Variants in PDE4D observed in about 807,000 individuals in gnomAD.
The protein encoded by PDE4D is phosphodiesterase 4D.
In PDE4D, 24 loss-of-function variants were observed where a neutral mutation model predicts 87.4. That is an observed-to-expected ratio of 0.27 (90% CI 0.20 to 0.39). PDE4D has a LOEUF of 0.39. Among genes scored for constraint, PDE4D ranks in the 10% least tolerant of loss-of-function variants. The pLI is 1.00. For missense variants in PDE4D, 714 were observed against 1,041.0 expected, an observed-to-expected ratio of 0.69 and a Z score of 4.32; for synonymous variants, 384 against 383.2, an observed-to-expected ratio of 1.00 and a Z score of -0.02.
chr5:60,236,493 G>A (rs1400269158), intron 1 of PDE4D, among the ~76,000 whole-genome samples: 2 of 151,862 alleles, frequency 1.3e-5, no homozygotes, highest in Non-Finnish European at 1.5e-5. Flanking sequence ...ATGAAAAGAT[G>A]TTCAACATAT....
intron 2 of PDE4D, among the ~76,000 whole-genome samples, chr5:60,131,465 G>A (rs923645682): frequency 1.3e-5 from 2 of 152,198 alleles, no homozygotes; most frequent in Non-Finnish European, 2.9e-5. Flanking sequence ...GTCAAGCAAT[G>A]CAAGAATGAA....
In PDE4D at chr5:59,854,640, T is replaced by C. The variant is rs563015217; in HGVS notation, c.455+38528A>G. ...AGGTGGTTCTTTAAAACTCTGTATC[T>C]GAACCTTATCTTGAAATAATATGTG... On this transcript the variant is annotated intron_variant, in intron 1 of 14. Transcript: ENST00000340635. Among the ~76,000 whole-genome samples, 279 of 152,220 alleles carry C rather than the reference T, an allele frequency of 1.8e-3. 1 individual carries two copies. Among genetic ancestry groups the C allele is most frequent in the Non-Finnish European group, 3.3e-3 (225 of 67,988 alleles).
intron 2 of PDE4D, among the ~76,000 whole-genome samples, chr5:60,088,001 A>G (rs1441474609): frequency 6.6e-6 from 1 of 152,120 alleles, no homozygotes. Flanking sequence ...TTTAAGCAGC[A>G]AGAGAAAAGA....
chr5:60,338,349 G>A (rs6862735), intron 1 of PDE4D, among the ~76,000 whole-genome samples: 33,302 of 152,130 alleles, frequency 0.22, 3,953 homozygotes, highest in South Asian at 0.4. Context: ...CAAGAATCAC[G>A]ACCACTATCC....
chr5:59,626,469 G>A (rs1361630862), intron 1 of PDE4D, among the ~76,000 whole-genome samples: 1 of 152,160 alleles, frequency 6.6e-6, no homozygotes, highest in Non-Finnish European at 1.5e-5. Flanking sequence ...CTGCTTTACA[G>A]AACAAATGAG....
intron 1 of PDE4D, among the ~76,000 whole-genome samples, chr5:59,243,028 T>C (rs1211623889): frequency 6.6e-6 from 1 of 152,200 alleles, no homozygotes; most frequent in Non-Finnish European, 1.5e-5. Flanking sequence ...ACAGTATTTC[T>C]TACGTACATC....
At chr5:59,406,834 G>A (rs568824948) in intron 1 of PDE4D, among the ~76,000 whole-genome samples, 15 of 152,194 alleles carry the variant, frequency 9.9e-5, no homozygotes, top group Admixed American at 5.2e-4. Context: ...CTAGGGCTAC[G>A]AAGTTTATTT....
At chr5:60,011,314 A>G (rs967908643) in intron 2 of PDE4D, among the ~76,000 whole-genome samples, 1 of 152,100 alleles carries the variant, frequency 6.6e-6, no homozygotes, top group Non-Finnish European at 1.5e-5. Context: ...TCATTTGAAT[A>G]TCTATGTGGC....
chr5:59,668,451 T>C (rs1746434447), intron 1 of PDE4D, among the ~76,000 whole-genome samples: 1 of 152,164 alleles, frequency 6.6e-6, no homozygotes, highest in African/African-American at 2.4e-5. Flanking sequence ...GGCTCATGCC[T>C]GTAACTCCAG....
chr5:59,767,014 G>A (rs1762878710), intron 1 of PDE4D, among the ~76,000 whole-genome samples: 1 of 152,154 alleles, frequency 6.6e-6, no homozygotes, highest in Non-Finnish European at 1.5e-5. Flanking sequence ...GTCTTTGGGT[G>A]TGACATGGCT....
chr5:58,986,061 A>C (rs911623558), intron 11 of PDE4D, among the ~76,000 whole-genome samples: 1 of 152,220 alleles, frequency 6.6e-6, no homozygotes, highest in Non-Finnish European at 1.5e-5. Flanking sequence ...AACTTTAGCA[A>C]TCCAAAGCTA....
chr5:59,784,704 T>A (rs1480050215), intron 1 of PDE4D, among the ~76,000 whole-genome samples: 2 of 152,094 alleles, frequency 1.3e-5, no homozygotes, highest in East Asian at 3.8e-4. Context: ...ATCAAGCCTG[T>A]TTTAAAATGG....
intron 1 of PDE4D, among the ~76,000 whole-genome samples, chr5:59,372,018 C>G (rs1479181584): frequency 5.3e-5 from 8 of 152,200 alleles, no homozygotes; most frequent in Admixed American, 5.2e-4. Context: ...CATCAAACCT[C>G]TTAGAAGACA....
chr5:59,505,674 G>T, intron 1 of PDE4D, among the ~76,000 whole-genome samples: 1 of 152,170 alleles, frequency 6.6e-6, no homozygotes, highest in East Asian at 1.9e-4. Flanking sequence ...TCCAGCAGTT[G>T]TCAGAGATAG....
intron 3 of PDE4D, among the ~76,000 whole-genome samples, chr5:59,946,204 CCACCCAAGTGCT>C (rs1330298667): frequency 1.3e-5 from 2 of 152,194 alleles, no homozygotes; most frequent in African/African-American, 4.8e-5. Flanking sequence ...GTCACATCTG[CCACCCAAGTGCT>C]GAGACTCAGA....
chr5:60,343,450 AATG>A (rs1238353802), intron 1 of PDE4D, among the ~76,000 whole-genome samples: 2 of 152,030 alleles, frequency 1.3e-5, no homozygotes, highest in Admixed American at 6.6e-5. Context: ...TGATGATAAC[AATG>A]ATGATGATGA....
chr5:59,873,110 T>C (rs1038607870), intron 1 of PDE4D, among the ~76,000 whole-genome samples: 1 of 152,206 alleles, frequency 6.6e-6, no homozygotes, highest in African/African-American at 2.4e-5. Context: ...CAAAACAGTG[T>C]TTGGAGAAAA....
intron 3 of PDE4D, among the ~76,000 whole-genome samples, chr5:59,947,261 G>A (rs1443934631): frequency 2.6e-5 from 4 of 152,186 alleles, no homozygotes; most frequent in Admixed American, 6.5e-5. Context: ...GCACTTTGCC[G>A]TCTTTTGAGT....
intron 6 of PDE4D, among the ~76,000 whole-genome samples, chr5:59,002,869 TGAG>T (rs1168418131): frequency 6.6e-6 from 1 of 152,140 alleles, no homozygotes; most frequent in East Asian, 1.9e-4. Flanking sequence ...CAGATACATA[TGAG>T]GATTAAATGA....
Sources: allele counts gnomAD v4.1 joint callset (sites outside exome capture counted in the v4.1 genomes callset), GRCh38; gene constraint gnomAD v4.1.1; transcripts MANE v1.5; gene names NCBI Gene and HGNC (gene_info 2026-07-23, HGNC 2026-07-21).